PRRX1: variants seen among roughly 807,000 people sequenced by gnomAD.
PRRX1 encodes the protein paired mesoderm homeobox protein 1.
In PRRX1, 8 loss-of-function variants were observed where a neutral mutation model predicts 24.0. The observed-to-expected ratio is 0.33, with a 90% CI of 0.20 to 0.60. PRRX1 has a LOEUF of 0.60. PRRX1 is among the 20% of genes least tolerant of loss of function. The pLI is 0.82. For missense variants in PRRX1, 281 were observed against 322.4 expected (o/e 0.87, Z 0.98); for synonymous variants, 160 against 131.7 (o/e 1.22, Z -1.47).
chr1:170,711,890 A>T (rs1369649452), intron 1 of PRRX1, among the ~76,000 whole-genome samples: 1 of 152,188 alleles, frequency 6.6e-6, no homozygotes, highest in Non-Finnish European at 1.5e-5. Flanking sequence ...CTTTTCCCAG[A>T]ACTTTGGTTT....
chr1:170,684,438 A>G (rs141606767), intron 1 of PRRX1, among the ~76,000 whole-genome samples: 3 of 152,364 alleles, frequency 2.0e-5, no homozygotes, highest in Admixed American at 6.5e-5. Flanking sequence ...AACTATTTGT[A>G]TAGATACATC....
intron 1 of PRRX1, among the ~76,000 whole-genome samples, chr1:170,684,504 G>T (rs1048121601): frequency 6.6e-6 from 1 of 152,224 alleles, no homozygotes; most frequent in Non-Finnish European, 1.5e-5. Flanking sequence ...TGTAATCCCA[G>T]CATTTTGGGA....
intron 1 of PRRX1, chr1:170,667,657 C>T (rs548362385): frequency 6.6e-6 from 1 of 152,192 alleles, no homozygotes; most frequent in African/African-American, 2.4e-5. Context: ...GACTCTCCCC[C>T]ACCCCCAAAG....
rs1292072443 is a variant in PRRX1, at chr1:170,726,310, G to A, written c.508G>A (p.Gly170Arg). The change falls in exon 3 of 4, where the codon GGA (glycine) becomes AGA (arginine). Residue 170 changes from glycine to arginine, a missense_variant. Gly to Arg is a moderately radical substitution (Grantham distance 125). Transcript: ENST00000239461. ...KNASLLKSYS[G>R]DVTAVEQPIV... Reference sequence around the variant, plus strand: ...CGCTTCCCTCCTCAAATCCTACTCAGGAGACGTGACTGCTGTGGAGCAGCC... The same window carrying A: ...CGCTTCCCTCCTCAAATCCTACTCAAGAGACGTGACTGCTGTGGAGCAGCC... The A allele has an allele frequency of 6.2e-7, 1 of 1,614,024 alleles. No individual in the cohort carries two copies. The highest frequency in any genetic ancestry group is 1.1e-5 in the South Asian group (1 of 91,064).
At position 170,670,651 on chromosome 1, in the gene PRRX1, A is replaced by C. The variant is rs116559803; in HGVS notation, c.241+6192A>C. 3.5e-3 allele frequency among the ~76,000 whole-genome samples: 526 copies of C among 152,308 alleles called. 4 individuals carry two copies. The highest frequency in any genetic ancestry group is 0.011 in the African/African-American group (473 of 41,562). ...ATCGATTTTTAACTTTAAGATTAAA[A>C]AAATACCATATTTCACTTGCCTTGG... On this transcript the variant is annotated intron_variant, in intron 1 of 3. Coordinates refer to ENST00000239461, the MANE Select transcript of PRRX1 (RefSeq NM_022716.4).
At chr1:170,666,883 C>T (rs1460771774) in intron 1 of PRRX1, among the ~76,000 whole-genome samples, 1 of 151,970 alleles carries the variant, frequency 6.6e-6, no homozygotes, top group African/African-American at 2.4e-5. Context: ...GGAGCGCCCC[C>T]GAGCAGATTC....
chr1:170,693,703 A>T (rs1478925877), intron 1 of PRRX1, among the ~76,000 whole-genome samples: 4 of 152,162 alleles, frequency 2.6e-5, no homozygotes, highest in Non-Finnish European at 4.4e-5. Context: ...ACAATTTATT[A>T]TTTAAAATTT....
At position 170,719,886 on chromosome 1, in the gene PRRX1, C is replaced by A. The variant is rs768695225; in HGVS notation, c.402C>A (p.Thr134=). The part of the protein sequence containing the change: ...REDLARRVNL[T]EARVQVWFQN... ...ACCTTGCCCGCCGGGTGAACCTCAC[C>A]GAGGCGAGAGTGCAGGTAACTCAAG... Residue 134 remains threonine (T), a synonymous_variant, in exon 2 of 4, where the codon ACC becomes ACA. Coordinates refer to ENST00000239461, the MANE Select transcript of PRRX1 (RefSeq NM_022716.4). The A allele has an allele frequency of 5.0e-6, 8 of 1,613,894 alleles. No individual in the cohort carries two copies. The highest frequency in any genetic ancestry group is 1.3e-5 in the African/African-American group (1 of 74,916).
chr1:170,671,750 C>A (rs895397575), intron 1 of PRRX1, among the ~76,000 whole-genome samples: 5 of 152,010 alleles, frequency 3.3e-5, no homozygotes, highest in African/African-American at 1.2e-4. Flanking sequence ...TGAGGGTGGT[C>A]GGGGTTCCAG....
At chr1:170,670,848 T>C (rs1163555581) in intron 1 of PRRX1, among the ~76,000 whole-genome samples, 1 of 152,144 alleles carries the variant, frequency 6.6e-6, no homozygotes, top group Non-Finnish European at 1.5e-5. Flanking sequence ...TAGAGGAATC[T>C]GAGGACAACC....
intron 1 of PRRX1, among the ~76,000 whole-genome samples, chr1:170,678,451 A>G (rs911700691): frequency 6.6e-6 from 1 of 152,258 alleles, no homozygotes; most frequent in Non-Finnish European, 1.5e-5. Context: ...CTAGGAAAGT[A>G]GCTTAACATG....
chr1:170,736,691 G>C lies in PRRX1; in HGVS notation c.*505G>C. On this transcript the variant is annotated 3_prime_UTR_variant, in exon 4 of 4. Coordinates refer to ENST00000239461, the MANE Select transcript of PRRX1 (RefSeq NM_022716.4). ...GCTTTCGAAAAGCCAAAGTCTTTCT[G>C]AAGAATCTGTGCTGGACAGACATAA... 5.1e-6 allele frequency: 1 copy of C among 196,202 alleles called. No homozygotes were observed. Among genetic ancestry groups the C allele is most frequent in the Non-Finnish European group, 1.1e-5 (1 of 93,710 alleles). 12.2% of individuals were successfully genotyped at this position (196,202 alleles called of 1,614,324 possible). A position where few individuals can be genotyped will look rare whatever the true frequency, so the allele number is the denominator to read the frequency against.
At chr1:170,718,580 C>T (rs1654977209) in intron 1 of PRRX1, among the ~76,000 whole-genome samples, 1 of 152,164 alleles carries the variant, frequency 6.6e-6, no homozygotes, top group Admixed American at 6.5e-5. Context: ...ATCCTCACTC[C>T]AACACTTCAT....
chr1:170,666,669 G>GA (rs1313777325), intron 1 of PRRX1, among the ~76,000 whole-genome samples: 1 of 152,136 alleles, frequency 6.6e-6, no homozygotes, highest in Non-Finnish European at 1.5e-5. Flanking sequence ...TGGAGGATGA[G>GA]AAAACCAGGG....
At chr1:170,691,509 T>C (rs528068455) in intron 1 of PRRX1, among the ~76,000 whole-genome samples, 1 of 138,160 alleles carries the variant, frequency 7.2e-6, no homozygotes, top group East Asian at 2.1e-4. Context: ...TCCTTTCCTT[T>C]CCTTCCTTCT....
chr1:170,675,421 T>G (rs1390046883), intron 1 of PRRX1, among the ~76,000 whole-genome samples: 5 of 152,178 alleles, frequency 3.3e-5, no homozygotes, highest in Non-Finnish European at 7.3e-5. Context: ...ACTAGAAATT[T>G]TCTACTACTC....
intron 1 of PRRX1, among the ~76,000 whole-genome samples, chr1:170,669,940 G>A (rs1183800743): frequency 6.6e-6 from 1 of 152,230 alleles, no homozygotes; most frequent in East Asian, 1.9e-4. Flanking sequence ...TTCTACAGGT[G>A]ATAGAAGTGT....
intron 1 of PRRX1, among the ~76,000 whole-genome samples, chr1:170,674,064 C>A (rs980122517): frequency 3.9e-5 from 6 of 152,124 alleles, no homozygotes; most frequent in African/African-American, 1.2e-4. Flanking sequence ...ATGTCATGTT[C>A]TTTCTTTAGA....
At chr1:170,671,776 G>A (rs1186684567) in intron 1 of PRRX1, among the ~76,000 whole-genome samples, 1 of 152,198 alleles carries the variant, frequency 6.6e-6, no homozygotes. Flanking sequence ...CAGGAGGGGA[G>A]TGGGGCCAGA....
Sources: allele counts gnomAD v4.1 joint callset (sites outside exome capture counted in the v4.1 genomes callset), GRCh38; gene constraint gnomAD v4.1.1; transcripts MANE v1.5; gene names NCBI Gene and HGNC (gene_info 2026-07-23, HGNC 2026-07-21).